ME3: variants seen among roughly 807,000 people sequenced by gnomAD.
ME3 encodes the protein malic enzyme 3, also known as NADP-dependent malic enzyme, mitochondrial.
In ME3, 48 loss-of-function variants were observed where a neutral mutation model predicts 68.9. The ratio of observed to expected loss-of-function variants is 0.70; its 90% CI spans 0.55 to 0.89. The LOEUF (loss-of-function observed/expected upper bound fraction) is 0.89, where lower values mean the gene tolerates loss of function less well. Among genes scored for constraint, ME3 ranks in the 40% least tolerant of loss-of-function variants. The pLI, the probability that ME3 is intolerant of heterozygous loss-of-function variation, is 0.00. For synonymous variants in ME3, 320 were observed against 318.8 expected (o/e 1.00, Z -0.04); for missense variants, 675 against 797.4 (o/e 0.85, Z 1.85).
chr11:86,558,478 G>A (rs1205311398), intron 3 of ME3, among the ~76,000 whole-genome samples: 2 of 152,150 alleles, frequency 1.3e-5, no homozygotes, highest in East Asian at 1.9e-4. Context: ...GGTATGAGCA[G>A]AGGCTTCTGT....
chr11:86,587,281 G>A (rs1346413038), intron 2 of ME3, among the ~76,000 whole-genome samples: 2 of 152,216 alleles, frequency 1.3e-5, no homozygotes, highest in African/African-American at 4.8e-5. Flanking sequence ...AGGACCAGTG[G>A]TAAAGGAGGA....
intron 2 of ME3, among the ~76,000 whole-genome samples, chr11:86,626,541 T>C (rs1943676248): frequency 6.6e-6 from 1 of 152,220 alleles, no homozygotes; most frequent in Non-Finnish European, 1.5e-5. Flanking sequence ...TGCCTTTTAA[T>C]AATTCCAACT....
chr11:86,616,983 T>TA (rs1469367322), intron 2 of ME3, among the ~76,000 whole-genome samples: 1 of 147,828 alleles, frequency 6.8e-6, no homozygotes, highest in Non-Finnish European at 1.5e-5. Context: ...GTAAGGGGTA[T>TA]ACATGAACTC....
At chr11:86,470,722 G>T (rs1442574315) in intron 7 of ME3, among the ~76,000 whole-genome samples, 1 of 152,196 alleles carries the variant, frequency 6.6e-6, no homozygotes, top group South Asian at 2.1e-4. Context: ...TGTGCAGGGG[G>T]TGCTGGGTGG....
At chr11:86,656,225 T>C (rs1945858454) in intron 2 of ME3, among the ~76,000 whole-genome samples, 1 of 151,742 alleles carries the variant, frequency 6.6e-6, no homozygotes, top group Non-Finnish European at 1.5e-5. Context: ...GAAATACCAT[T>C]TGACCCAGCC....
At chr11:86,573,395 G>T (rs919100729) in intron 2 of ME3, among the ~76,000 whole-genome samples, 1 of 150,896 alleles carries the variant, frequency 6.6e-6, no homozygotes, top group Non-Finnish European at 1.5e-5. Context: ...TTTTCTTCTA[G>T]GGTTTTTATA....
intron 4 of ME3, among the ~76,000 whole-genome samples, chr11:86,542,945 CAG>C (rs1487515208): frequency 6.6e-6 from 1 of 152,198 alleles, no homozygotes; most frequent in East Asian, 1.9e-4. Context: ...ATCGGACTAA[CAG>C]AGGATCTTTC....
intron 2 of ME3, among the ~76,000 whole-genome samples, chr11:86,648,134 T>G (rs1232379729): frequency 6.6e-6 from 1 of 152,198 alleles, no homozygotes; most frequent in African/African-American, 2.4e-5. Flanking sequence ...ACATGGAAAC[T>G]GAGCAACGTA....
chr11:86,465,899 G>T (rs1371791113), intron 7 of ME3, among the ~76,000 whole-genome samples: 2 of 152,158 alleles, frequency 1.3e-5, no homozygotes, highest in Non-Finnish European at 2.9e-5. Flanking sequence ...GTGGGATGGG[G>T]TCAGGAACCT....
chr11:86,492,029 A>G (rs562754570), intron 6 of ME3, among the ~76,000 whole-genome samples: 1 of 152,306 alleles, frequency 6.6e-6, no homozygotes, highest in Admixed American at 6.5e-5. Flanking sequence ...TGTGGTCAGG[A>G]TGCTCCCCTC....
intron 2 of ME3, among the ~76,000 whole-genome samples, chr11:86,605,268 AG>A (rs1328449309): frequency 6.6e-6 from 1 of 152,184 alleles, no homozygotes; most frequent in East Asian, 1.9e-4. Context: ...TCAAGACCCC[AG>A]GCCTACTGTG....
At chr11:86,534,384 C>G (rs983992768) in intron 4 of ME3, among the ~76,000 whole-genome samples, 2 of 152,000 alleles carry the variant, frequency 1.3e-5, no homozygotes, top group African/African-American at 4.8e-5. Flanking sequence ...TTAAATAACA[C>G]TTAGCTTAGG....
At chr11:86,495,373 T>C (rs534492148) in intron 6 of ME3, among the ~76,000 whole-genome samples, 40 of 152,324 alleles carry the variant, frequency 2.6e-4, no homozygotes, top group African/African-American at 8.7e-4. Flanking sequence ...CTTCAGCATA[T>C]CATTGCTGAG....
At chr11:86,488,579 C>T (rs938326054) in intron 6 of ME3, among the ~76,000 whole-genome samples, 6 of 152,188 alleles carry the variant, frequency 3.9e-5, no homozygotes, top group Admixed American at 3.3e-4. Context: ...CTCCTTCCAT[C>T]ACAGCAGTCA....
intron 2 of ME3, among the ~76,000 whole-genome samples, chr11:86,576,302 C>T (rs1234218079): frequency 6.6e-6 from 1 of 152,102 alleles, no homozygotes; most frequent in Non-Finnish European, 1.5e-5. Context: ...GAGAAGTTGC[C>T]ACACAGATCT....
At chr11:86,526,145 C>G (rs190262721) in intron 4 of ME3, among the ~76,000 whole-genome samples, 1 of 152,298 alleles carries the variant, frequency 6.6e-6, no homozygotes, top group East Asian at 1.9e-4. Context: ...CAGACGGCAC[C>G]TGGAAAATCG....
intron 2 of ME3, among the ~76,000 whole-genome samples, chr11:86,660,057 C>T (rs890406391): frequency 3.3e-5 from 5 of 152,206 alleles, no homozygotes; most frequent in Admixed American, 6.5e-5. Flanking sequence ...TGAATTTCTG[C>T]TGCTAGTGAC....
At chr11:86,535,437 G>C (rs1955586587) in intron 4 of ME3, among the ~76,000 whole-genome samples, 1 of 152,150 alleles carries the variant, frequency 6.6e-6, no homozygotes, top group African/African-American at 2.4e-5. Context: ...TAATTTTCCA[G>C]AACCAAGGAT....
At chr11:86,584,672 T>C (rs1330478489) in intron 2 of ME3, among the ~76,000 whole-genome samples, 1 of 152,220 alleles carries the variant, frequency 6.6e-6, no homozygotes, top group East Asian at 1.9e-4. Context: ...GACATTATGC[T>C]AAACACAATG....
Sources: allele counts gnomAD v4.1 joint callset (sites outside exome capture counted in the v4.1 genomes callset), GRCh38; gene constraint gnomAD v4.1.1; transcripts MANE v1.5; gene names NCBI Gene and HGNC (gene_info 2026-07-23, HGNC 2026-07-21).